The following NRG1 variants were observed in gnomAD, a reference collection of about 807,000 sequenced individuals.
The protein encoded by NRG1 is pro-neuregulin-1, membrane-bound isoform.
A neutral mutation model predicts 63.8 loss-of-function variants in NRG1; 18 were observed. That is an observed-to-expected ratio of 0.28 (90% CI 0.19 to 0.42). NRG1 has a LOEUF of 0.42. Ranked by LOEUF, NRG1 falls within the 10% of genes least tolerant of loss-of-function variation. The pLI, the probability that NRG1 is intolerant of heterozygous loss-of-function variation, is 1.00. For synonymous variants in NRG1, 302 were observed against 301.3 expected (o/e 1.00, Z -0.02); for missense variants, 762 against 814.7 (o/e 0.94, Z 0.79).
chr8:32,280,786 G>A (rs1852698182), intron 1 of NRG1, among the ~76,000 whole-genome samples: 1 of 102,018 alleles, frequency 9.8e-6, no homozygotes, highest in Admixed American at 1.4e-4. Context: ...TTTTGAGACA[G>A]AGTCTTGCTC....
intron 1 of NRG1, among the ~76,000 whole-genome samples, chr8:32,593,854 C>CAAAAAAAAA (rs11444147): frequency 2.1e-5 from 2 of 97,076 alleles, no homozygotes; most frequent in Non-Finnish European, 4.1e-5. Context: ...TTCAAGGTGT[C>CAAAAAAAAA]AAAAAAAAAA....
At chr8:31,954,616 A>T (rs889511054) in intron 1 of NRG1, among the ~76,000 whole-genome samples, 4 of 152,176 alleles carry the variant, frequency 2.6e-5, no homozygotes, top group Admixed American at 6.5e-5. Context: ...TCTTTTAATT[A>T]TATTTTGGTG....
chr8:31,699,703 C>CT (rs1242082472), intron 1 of NRG1, among the ~76,000 whole-genome samples: 1 of 119,796 alleles, frequency 8.3e-6, no homozygotes, highest in Non-Finnish European at 2.0e-5. Flanking sequence ...TTTTTTCCTT[C>CT]CTTTTTTTAA....
intron 1 of NRG1, among the ~76,000 whole-genome samples, chr8:31,856,884 A>T (rs1827935433): frequency 2.0e-5 from 3 of 152,152 alleles, no homozygotes. Flanking sequence ...GTGAGGTGTC[A>T]GTCTGCCCCT....
chr8:32,009,228 T>G (rs889611973), intron 1 of NRG1, among the ~76,000 whole-genome samples: 6 of 152,088 alleles, frequency 3.9e-5, no homozygotes, highest in Non-Finnish European at 7.4e-5. Context: ...AAGTATCACC[T>G]CTCCTTGCTT....
chr8:32,617,282 C>G (rs1397121728), intron 5 of NRG1, among the ~76,000 whole-genome samples: 3 of 152,164 alleles, frequency 2.0e-5, no homozygotes, highest in African/African-American at 7.2e-5. Flanking sequence ...AGCTTCCGTT[C>G]CAAAACTTCT....
At chr8:31,881,890 A>G (rs2129612806) in intron 1 of NRG1, among the ~76,000 whole-genome samples, 1 of 152,294 alleles carries the variant, frequency 6.6e-6, no homozygotes, top group Non-Finnish European at 1.5e-5. Flanking sequence ...AGGTTTAAGG[A>G]AAGAAGCCAT....
chr8:31,678,030 A>AT (rs1196845100), intron 1 of NRG1, among the ~76,000 whole-genome samples: 8 of 141,736 alleles, frequency 5.6e-5, no homozygotes, highest in Non-Finnish European at 8.0e-5. Context: ...CCAATGATAA[A>AT]TTAAAAAAAA....
intron 1 of NRG1, among the ~76,000 whole-genome samples, chr8:32,312,742 G>A (rs144348117): frequency 2.6e-3 from 391 of 152,002 alleles, no homozygotes; most frequent in African/African-American, 8.9e-3. Context: ...CCAACCTCCC[G>A]GGAATGAAAC....
At chr8:31,681,503 C>G (rs1443685342) in intron 1 of NRG1, among the ~76,000 whole-genome samples, 1 of 151,762 alleles carries the variant, frequency 6.6e-6, no homozygotes, top group Non-Finnish European at 1.5e-5. Flanking sequence ...ATTGGAGAAG[C>G]TAAAATGAGT....
chr8:31,763,716 C>T (rs1430174786), intron 1 of NRG1, among the ~76,000 whole-genome samples: 4 of 152,096 alleles, frequency 2.6e-5, no homozygotes, highest in Non-Finnish European at 4.4e-5. Context: ...CTTGGGAGGC[C>T]GAGGCGGGCA....
At chr8:31,903,439 G>A (rs7819158) in intron 1 of NRG1, among the ~76,000 whole-genome samples, 19,159 of 151,142 alleles carry the variant, frequency 0.13, 1,384 homozygotes, top group Admixed American at 0.19. Flanking sequence ...GTGAGCCACC[G>A]CGCCCGGCCG....
At chr8:32,176,146 C>T (rs1840708214) in intron 1 of NRG1, among the ~76,000 whole-genome samples, 1 of 152,138 alleles carries the variant, frequency 6.6e-6, no homozygotes, top group Non-Finnish European at 1.5e-5. Context: ...ACCAATGGAA[C>T]AGAACAGAGG....
upstream of NRG1, among the ~76,000 whole-genome samples, chr8:32,545,422 A>G (rs1367317500): frequency 1.3e-5 from 2 of 152,182 alleles, no homozygotes; most frequent in African/African-American, 4.8e-5. Context: ...CAATACACAA[A>G]TTAATAAAAT....
At chr8:31,784,472 G>A (rs17602564) in intron 1 of NRG1, among the ~76,000 whole-genome samples, 1 of 152,188 alleles carries the variant, frequency 6.6e-6, no homozygotes, top group Non-Finnish European at 1.5e-5. Flanking sequence ...TGTCCCTAAT[G>A]CTCAATCTGT....
At chr8:32,055,325 T>G (rs1419715229) in intron 1 of NRG1, among the ~76,000 whole-genome samples, 1 of 152,220 alleles carries the variant, frequency 6.6e-6, no homozygotes, top group Non-Finnish European at 1.5e-5. Context: ...CATTTCAATA[T>G]CTATTTAATG....
chr8:31,775,640 C>T (rs1819043592), intron 1 of NRG1, among the ~76,000 whole-genome samples: 1 of 152,084 alleles, frequency 6.6e-6, no homozygotes. Flanking sequence ...GTAATCCCAG[C>T]ACGGAGGCCA....
At chr8:32,578,759 A>G (rs1840116774) in intron 1 of NRG1, among the ~76,000 whole-genome samples, 1 of 152,030 alleles carries the variant, frequency 6.6e-6, no homozygotes, top group African/African-American at 2.4e-5. Flanking sequence ...GACCTGATCT[A>G]TAGTTTTCCC....
chr8:32,248,057 G>C (rs540431656), intron 1 of NRG1, among the ~76,000 whole-genome samples: 2 of 151,998 alleles, frequency 1.3e-5, no homozygotes, highest in Non-Finnish European at 2.9e-5. Flanking sequence ...AACTTTCTAC[G>C]TCTATTCAGC....
Sources: gnomAD v4.1 joint callset for allele counts (sites outside exome capture counted in the v4.1 genomes callset) on GRCh38, gnomAD v4.1.1 for gene constraint, MANE v1.5 for transcripts, NCBI Gene and HGNC (gene_info 2026-07-23, HGNC 2026-07-21) for gene names.